Variants in BNC2 observed in about 807,000 individuals in gnomAD.
The protein encoded by BNC2 is basonuclin zinc finger protein 2, also known as zinc finger protein basonuclin-2.
Under a neutral mutation model 76.3 loss-of-function variants are expected in BNC2, and 20 were observed. The observed-to-expected ratio is 0.26, with a 90% confidence interval of 0.18 to 0.38. BNC2 has a LOEUF of 0.38. BNC2 is among the 10% of genes least tolerant of loss of function. BNC2 has a pLI of 1.00. For synonymous variants in BNC2, 582 were observed against 514.8 expected (o/e 1.13, Z -1.77); for missense variants, 1,382 against 1,399.8 (o/e 0.99, Z 0.20).
At chr9:16,443,446 G>T (rs1475912135) in intron 5 of BNC2, among the ~76,000 whole-genome samples, 1 of 152,060 alleles carries the variant, frequency 6.6e-6, no homozygotes. Context: ...CAAAGCAAGA[G>T]AAACAGATTG....
intron 3 of BNC2, among the ~76,000 whole-genome samples, chr9:16,705,352 G>A (rs1374811750): frequency 1.3e-5 from 2 of 152,180 alleles, no homozygotes; most frequent in East Asian, 3.9e-4. Context: ...GCTTTGACGG[G>A]AAAGGAGTAC....
At chr9:16,806,014 T>C (rs1459123050) in intron 1 of BNC2, among the ~76,000 whole-genome samples, 4 of 152,110 alleles carry the variant, frequency 2.6e-5, no homozygotes, top group Non-Finnish European at 5.9e-5. Flanking sequence ...AGAGAAGCAA[T>C]GCCCTTAAAG....
chr9:16,515,642 AT>A (rs1822859703), intron 5 of BNC2, among the ~76,000 whole-genome samples: 1 of 151,978 alleles, frequency 6.6e-6, no homozygotes, highest in South Asian at 2.1e-4. Flanking sequence ...TCGAAAAAAA[AT>A]CACCTTGATC....
At chr9:16,546,170 A>C (rs890329797) in intron 5 of BNC2, among the ~76,000 whole-genome samples, 1 of 152,242 alleles carries the variant, frequency 6.6e-6, no homozygotes, top group Admixed American at 6.5e-5. Flanking sequence ...ATGCCAATTT[A>C]TTGAGAAGGA....
chr9:16,664,927 G>A (rs2134104000), intron 3 of BNC2: 2 of 332,586 alleles, frequency 6.0e-6, no homozygotes, highest in East Asian at 1.0e-4. Context: ...TCAGAATATA[G>A]TGAATCTTAA....
rs531847603 is a variant in BNC2, at chr9:16,606,529, C to CT, written c.331-23445dup. 6.1e-4 allele frequency among the ~76,000 whole-genome samples: 89 copies of CT among 145,630 alleles called. No individual in the cohort carries two copies. In the Middle Eastern group the frequency reaches 0.01, roughly 17 times the overall value. On this transcript the variant is annotated intron_variant, in intron 3 of 6. Coordinates refer to ENST00000380672, the MANE Select transcript of BNC2 (RefSeq NM_017637.6). ...GAATGGGTCTCACAAGATCTGATAG[C>CT]TTTTTTTTTTTTGTGGGTAGGGGGA...
intron 3 of BNC2, among the ~76,000 whole-genome samples, chr9:16,679,498 C>G (rs1053789622): frequency 6.6e-6 from 1 of 152,156 alleles, no homozygotes; most frequent in Non-Finnish European, 1.5e-5. Flanking sequence ...CAAATGGAAT[C>G]TGAACTTAGC....
At chr9:16,843,342 G>A (rs1014224778) in intron 1 of BNC2, among the ~76,000 whole-genome samples, 1 of 151,948 alleles carries the variant, frequency 6.6e-6, no homozygotes, top group African/African-American at 2.4e-5. Context: ...TTCCTTTTTT[G>A]TGTGTGAGAC....
At chr9:16,528,444 GA>G (rs1248117252) in intron 5 of BNC2, among the ~76,000 whole-genome samples, 1 of 152,100 alleles carries the variant, frequency 6.6e-6, no homozygotes, top group African/African-American at 2.4e-5. Context: ...ACACTGAGTT[GA>G]GAGGAACAAC....
chr9:16,677,578 A>ACACACACACACAC (rs61063092), intron 3 of BNC2, among the ~76,000 whole-genome samples: 32 of 139,338 alleles, frequency 2.3e-4, no homozygotes, highest in African/African-American at 5.9e-4. Flanking sequence ...GTCTCAAACA[A>ACACACACACACAC]ACACACACAC....
intron 3 of BNC2, among the ~76,000 whole-genome samples, chr9:16,718,866 G>A (rs954706575): frequency 1.3e-5 from 2 of 152,030 alleles, no homozygotes; most frequent in East Asian, 1.9e-4. Flanking sequence ...CCAACCAATG[G>A]AGCAGGCATA....
intron 3 of BNC2, among the ~76,000 whole-genome samples, chr9:16,671,711 C>G (rs78718002): frequency 3.9e-5 from 6 of 152,174 alleles, no homozygotes; most frequent in Non-Finnish European, 5.9e-5. Context: ...GTTGGCCCAC[C>G]GTTAGTCACC....
intron 1 of BNC2, among the ~76,000 whole-genome samples, chr9:16,844,291 A>G (rs1454023439): frequency 6.6e-6 from 1 of 152,062 alleles, no homozygotes; most frequent in East Asian, 1.9e-4. Flanking sequence ...TTACGACTAA[A>G]TACTATTAAT....
chr9:16,530,280 C>G (rs1233646411), intron 5 of BNC2, among the ~76,000 whole-genome samples: 1 of 151,924 alleles, frequency 6.6e-6, no homozygotes, highest in African/African-American at 2.4e-5. Context: ...TGCAGATTTT[C>G]TCCCTGAATA....
At chr9:16,660,454 C>CAA (rs545256437) in intron 3 of BNC2, among the ~76,000 whole-genome samples, 63 of 122,246 alleles carry the variant, frequency 5.2e-4, no homozygotes, top group African/African-American at 1.4e-3. Flanking sequence ...AAGTCCATCT[C>CAA]AAAAAAAAAA....
rs150201092 is a variant in BNC2, at chr9:16,492,021, A to G, written c.670-54497T>C. ...TATAACCGTTTCATCTACAAATACG[A>G]TTTTATCATTTAATGAAATATTATA... On this transcript the variant is annotated intron_variant, in intron 5 of 6. Coordinates refer to ENST00000380672, the MANE Select transcript of BNC2 (RefSeq NM_017637.6). Among the ~76,000 whole-genome samples, 268 of 152,314 alleles carry G rather than the reference A, an allele frequency of 1.8e-3. 5 individuals are homozygous for G. The highest frequency in any genetic ancestry group is 0.016 in the Admixed American group (247 of 15,286).
chr9:16,575,883 G>A (rs1415913703), intron 4 of BNC2, among the ~76,000 whole-genome samples: 1 of 152,252 alleles, frequency 6.6e-6, no homozygotes, highest in Non-Finnish European at 1.5e-5. Context: ...GCTAGGCAAA[G>A]CCGGGTTTCA....
At chr9:16,833,405 T>C (rs985149383) in intron 1 of BNC2, among the ~76,000 whole-genome samples, 1 of 152,164 alleles carries the variant, frequency 6.6e-6, no homozygotes, top group Non-Finnish European at 1.5e-5. Flanking sequence ...CTGGAACAGT[T>C]TTCTCAAGCA....
chr9:16,652,972 T>A (rs1025229638), intron 3 of BNC2, among the ~76,000 whole-genome samples: 7 of 152,140 alleles, frequency 4.6e-5, no homozygotes, highest in South Asian at 2.1e-4. Context: ...TCCCTAATGG[T>A]TTACGGGATC....
Sources: allele counts gnomAD v4.1 joint callset (sites outside exome capture counted in the v4.1 genomes callset), GRCh38; gene constraint gnomAD v4.1.1; transcripts MANE v1.5; gene names NCBI Gene and HGNC (gene_info 2026-07-23, HGNC 2026-07-21).